Variants in VTI1A observed in about 807,000 individuals in gnomAD.
VTI1A encodes vesicle transport through interaction with t-SNAREs homolog 1A.
In VTI1A, 22 loss-of-function variants were observed where a neutral mutation model predicts 34.9. The observed-to-expected ratio is 0.63, with a 90% CI of 0.45 to 0.90. The LOEUF (loss-of-function observed/expected upper bound fraction) is 0.90. VTI1A is among the 40% of genes least tolerant of loss of function. The pLI, the probability that VTI1A is intolerant of heterozygous loss-of-function variation, is 0.00. For synonymous variants in VTI1A, 87 were observed against 97.3 expected, an observed-to-expected ratio of 0.89 and a Z score of 0.62; for missense variants, 268 against 275.6, an observed-to-expected ratio of 0.97 and a Z score of 0.20.
At chr10:112,505,194 G>A (rs984379548) in intron 3 of VTI1A, among the ~76,000 whole-genome samples, 4 of 151,968 alleles carry the variant, frequency 2.6e-5, no homozygotes, top group African/African-American at 9.7e-5. Flanking sequence ...TAGTTGCAAA[G>A]GGTTTTTGCA....
chr10:112,591,537 C>CACACACACACACAA (rs758504431), intron 5 of VTI1A, among the ~76,000 whole-genome samples: 4 of 152,062 alleles, frequency 2.6e-5, no homozygotes, highest in Non-Finnish European at 5.9e-5. Flanking sequence ...CACACACACA[C>CACACACACACACAA]AAAACGAAGA....
chr10:112,851,141 G>T, the VTI1A span, among the ~76,000 whole-genome samples: 1 of 152,170 alleles, frequency 6.6e-6, no homozygotes, highest in East Asian at 1.9e-4. Context: ...GTATTTTCAG[G>T]CATTCAGATT....
chr10:112,463,728 C>T (rs900238328), intron 2 of VTI1A, among the ~76,000 whole-genome samples: 1 of 151,788 alleles, frequency 6.6e-6, no homozygotes, highest in Non-Finnish European at 1.5e-5. Context: ...TATAAAGTAT[C>T]GGGAGTTAGG....
intron 5 of VTI1A, among the ~76,000 whole-genome samples, chr10:112,619,130 A>G (rs540545012): frequency 1.4e-4 from 22 of 151,768 alleles, no homozygotes; most frequent in African/African-American, 4.6e-4. Context: ...CATATTGGTA[A>G]TGTCATGTTG....
chr10:112,645,942 GTTT>G (rs71035394), intron 5 of VTI1A, among the ~76,000 whole-genome samples: 4 of 137,316 alleles, frequency 2.9e-5, no homozygotes, highest in African/African-American at 5.4e-5. Context: ...AATATACTGT[GTTT>G]TTTTTTTTTT....
intron 7 of VTI1A, among the ~76,000 whole-genome samples, chr10:112,782,246 T>G (rs1852152134): frequency 6.6e-6 from 1 of 152,232 alleles, no homozygotes; most frequent in South Asian, 2.1e-4. Context: ...CCAGGGCCAT[T>G]TCACTGGCTG....
intron 7 of VTI1A, among the ~76,000 whole-genome samples, chr10:112,802,940 G>A (rs982993499): frequency 3.9e-5 from 6 of 152,174 alleles, no homozygotes; most frequent in East Asian, 1.9e-4. Context: ...GAGCAGCCTC[G>A]AAATTGAGTA....
chr10:112,760,084 T>C (rs1287595936), intron 7 of VTI1A, among the ~76,000 whole-genome samples: 3 of 152,118 alleles, frequency 2.0e-5, no homozygotes, highest in Non-Finnish European at 4.4e-5. Flanking sequence ...CAGAAAAATA[T>C]ATGGGAGTCC....
At chr10:112,855,219 A>G in the VTI1A span, among the ~76,000 whole-genome samples, 1 of 151,952 alleles carries the variant, frequency 6.6e-6, no homozygotes, top group Non-Finnish European at 1.5e-5. Flanking sequence ...TGACCAGAGA[A>G]TTTTCTCTGC....
At chr10:112,570,531 G>C (rs1453750399) in intron 5 of VTI1A, among the ~76,000 whole-genome samples, 2 of 152,168 alleles carry the variant, frequency 1.3e-5, no homozygotes, top group East Asian at 1.9e-4. Context: ...AGTGAATGCT[G>C]ACCCATATTT....
intron 3 of VTI1A, among the ~76,000 whole-genome samples, chr10:112,478,536 A>C (rs1427808905): frequency 6.6e-6 from 1 of 152,198 alleles, no homozygotes; most frequent in African/African-American, 2.4e-5. Context: ...CAGAGCGCTA[A>C]CTGTGGGAGC....
the VTI1A span, among the ~76,000 whole-genome samples, chr10:112,848,597 G>A: frequency 9.2e-5 from 14 of 152,268 alleles, no homozygotes; most frequent in African/African-American, 2.4e-4. Context: ...GAAACCATAC[G>A]TTTTCTGTGG....
chr10:112,694,178 C>G (rs147185913), intron 7 of VTI1A, among the ~76,000 whole-genome samples: 1,562 of 152,250 alleles, frequency 0.01, 23 homozygotes, highest in African/African-American at 0.035. Flanking sequence ...TGCACTCCAG[C>G]CTGGGCGACA....
At chr10:112,460,944 G>A in intron 2 of VTI1A, among the ~76,000 whole-genome samples, 1 of 152,142 alleles carries the variant, frequency 6.6e-6, no homozygotes, top group South Asian at 2.1e-4. Flanking sequence ...AATATTATTT[G>A]TCAAAAATGA....
In VTI1A at chr10:112,637,835, CTT is replaced by C. The variant is rs995000271; in HGVS notation, c.428-30382_428-30381del. ...GACCTAAAAGTTCTAAATAAATAAA[CTT>C]AAATCAGAATGTGTGGATTAGGGAG... is the stretch of plus-strand genomic sequence containing the variant. On this transcript the variant is annotated intron_variant, in intron 5 of 7. Coordinates refer to ENST00000393077, the MANE Select transcript of VTI1A (RefSeq NM_145206.4). 8.4e-4 allele frequency among the ~76,000 whole-genome samples: 128 copies of C among 152,254 alleles called. 1 individual carries two copies. The highest frequency in any genetic ancestry group is 3.0e-3 in the African/African-American group (124 of 41,552).
At chr10:112,589,739 A>G (rs756315767) in intron 5 of VTI1A, among the ~76,000 whole-genome samples, 1 of 152,126 alleles carries the variant, frequency 6.6e-6, no homozygotes, top group Non-Finnish European at 1.5e-5. Flanking sequence ...GACCACAGAG[A>G]GCTTAGTTGT....
At chr10:112,783,376 T>G (rs1852190685) in intron 7 of VTI1A, among the ~76,000 whole-genome samples, 2 of 145,916 alleles carry the variant, frequency 1.4e-5, no homozygotes, top group Admixed American at 7.0e-5. Flanking sequence ...ACATATGAGT[T>G]GTATGTGCAT....
intron 7 of VTI1A, among the ~76,000 whole-genome samples, chr10:112,742,264 G>A (rs1590139884): frequency 8.8e-6 from 1 of 113,802 alleles, no homozygotes; most frequent in Non-Finnish European, 1.5e-5. Flanking sequence ...CAGTTGCCTT[G>A]ACTTTTGCCC....
intron 7 of VTI1A, among the ~76,000 whole-genome samples, chr10:112,734,125 A>G (rs1850371306): frequency 6.6e-6 from 1 of 151,992 alleles, no homozygotes; most frequent in African/African-American, 2.4e-5. Flanking sequence ...TCAAACGCAG[A>G]CCCATCTGAC....
Sources: gnomAD v4.1 joint callset for allele counts (sites outside exome capture counted in the v4.1 genomes callset) on GRCh38, gnomAD v4.1.1 for gene constraint, MANE v1.5 for transcripts, NCBI Gene and HGNC (gene_info 2026-07-23, HGNC 2026-07-21) for gene names.